ATP6V0A1: variants seen among roughly 807,000 people sequenced by gnomAD.
ATP6V0A1 encodes V-type proton ATPase 116 kDa subunit a 1.
A neutral mutation model predicts 105.4 loss-of-function variants in ATP6V0A1; 43 were observed. The ratio of observed to expected loss-of-function variants is 0.41; its 90% CI spans 0.32 to 0.53. The LOEUF is 0.53. ATP6V0A1 is among the 20% of genes least tolerant of loss of function. The pLI is 0.30. For missense variants in ATP6V0A1, 676 were observed against 1,051.1 expected, an observed-to-expected ratio of 0.64 and a Z score of 4.93; for synonymous variants, 362 against 372.8, an observed-to-expected ratio of 0.97 and a Z score of 0.33.
chr17:42,477,601 A>C (rs1196993670), intron 5 of ATP6V0A1, 59 bp from the exon 6 acceptor site: 1 of 1,581,302 alleles, frequency 6.3e-7, no homozygotes, highest in Non-Finnish European at 8.7e-7. Context: ...CATGCCACTA[A>C]CTATTTTCAT....
chr17:42,461,053 T>C lies in ATP6V0A1; in HGVS notation c.117+42T>C, dbSNP rs769626654. 2.0e-6 allele frequency: 3 copies of C among 1,521,680 alleles called. No individual in the cohort carries two copies. In the Admixed American group the frequency reaches 5.0e-5, roughly 25 times the overall value. 94.3% of individuals were successfully genotyped at this position (1,521,680 alleles called of 1,614,324 possible). A position where few individuals can be genotyped will look rare whatever the true frequency, so the allele number is the denominator to read the frequency against. On this transcript the variant is annotated intron_variant, in intron 2 of 21. Transcript: ENST00000343619. Reference sequence around the variant, plus strand: ...CTGCGACTTGATTACTGCTGAACTCTATTGCTATCGTGGTCAGATGCCTTA... The same window carrying C: ...CTGCGACTTGATTACTGCTGAACTCCATTGCTATCGTGGTCAGATGCCTTA...
intron 5 of ATP6V0A1, 73 bp from the exon 6 acceptor site, chr17:42,477,587 C>T (rs1203231332): frequency 2.0e-6 from 3 of 1,502,242 alleles, no homozygotes; most frequent in South Asian, 1.2e-5. Context: ...TTCCTCGTTG[C>T]CTGCATGCCA....
At chr17:42,512,905 G>A (rs898945347) in intron 19 of ATP6V0A1, among the ~76,000 whole-genome samples, 6 of 152,336 alleles carry the variant, frequency 3.9e-5, no homozygotes, top group African/African-American at 1.2e-4. Context: ...TCTGCGGGGG[G>A]AAGCCCCATA....
In ATP6V0A1 at chr17:42,499,019, C is replaced by T; in HGVS notation, c.1656C>T (p.Val552=). The change falls in exon 15 of 22, where the codon GTC becomes GTT. Residue 552 remains valine, a synonymous_variant. Coordinates refer to ENST00000343619, the MANE Select transcript of ATP6V0A1 (RefSeq NM_001130021.3). ...ILGIIHMLFG[V]SLSLFNHIYF... is the part of the protein sequence containing the mutation. Reference sequence around the variant, plus strand: ...GTATCATCCATATGCTGTTTGGAGTCAGCCTGAGTCTGTTCAACCATATGT... The same window carrying T: ...GTATCATCCATATGCTGTTTGGAGTTAGCCTGAGTCTGTTCAACCATATGT... 1 of 1,609,564 alleles carries T rather than the reference C, an allele frequency of 6.2e-7. No homozygotes were observed. Among genetic ancestry groups the T allele is most frequent in the Non-Finnish European group, 8.5e-7 (1 of 1,176,034 alleles).
intron 17 of ATP6V0A1, among the ~76,000 whole-genome samples, chr17:42,504,273 C>T (rs1244463131): frequency 6.6e-6 from 1 of 152,186 alleles, no homozygotes; most frequent in Non-Finnish European, 1.5e-5. Context: ...TGATATATCA[C>T]AGTTTAATTT....
intron 11 of ATP6V0A1, among the ~76,000 whole-genome samples, 199 bp downstream of exon 11, chr17:42,490,836 A>G (rs545113831): frequency 1.2e-4 from 18 of 152,024 alleles, no homozygotes; most frequent in Non-Finnish European, 1.9e-4. Flanking sequence ...CCACAGGCGC[A>G]CAGCACCACA....
chr17:42,488,630 G>T lies in ATP6V0A1; in HGVS notation c.1023+1263G>T, dbSNP rs929768287. Among the ~76,000 whole-genome samples the T allele has an allele frequency of 3.2e-4, 48 of 152,026 alleles. 3 individuals are homozygous for T. The highest frequency in any genetic ancestry group is 1.5e-5 in the Non-Finnish European group (1 of 67,998). ...GGACTACAGGTGCCCACCATCATGC[G>T]TGGCTAATTTTTTGTAGAGACAGGG... is the stretch of plus-strand genomic sequence containing the variant. On this transcript the variant is annotated intron_variant, in intron 10 of 21. Coordinates refer to ENST00000343619, the MANE Select transcript of ATP6V0A1 (RefSeq NM_001130021.3).
chr17:42,520,991 C>G, intron 21 of ATP6V0A1, 36 bp from the exon 22 acceptor site: 1 of 1,536,772 alleles, frequency 6.5e-7, no homozygotes, highest in Non-Finnish European at 8.9e-7. Flanking sequence ...CACAAAGTTT[C>G]TATTGAATGA....
At chr17:42,495,422 ATTGTGTGT>A (rs1039572345) in intron 13 of ATP6V0A1, among the ~76,000 whole-genome samples, 196 bp from the exon 14 acceptor site, 1 of 148,938 alleles carries the variant, frequency 6.7e-6, no homozygotes, top group Non-Finnish European at 1.5e-5. Flanking sequence ...TCCCTACTTG[ATTGTGTGT>A]TTGTGTGTTT....
intron 5 of ATP6V0A1, among the ~76,000 whole-genome samples, chr17:42,474,796 A>G (rs1316023340): frequency 6.6e-6 from 1 of 152,256 alleles, no homozygotes; most frequent in Non-Finnish European, 1.5e-5. Context: ...TGGCTAAATC[A>G]GAAAATGATT....
intron 10 of ATP6V0A1, among the ~76,000 whole-genome samples, chr17:42,488,416 TG>T (rs1392137620): frequency 1.3e-5 from 2 of 152,174 alleles, no homozygotes; most frequent in African/African-American, 2.4e-5. Context: ...TGAGAGACAT[TG>T]GAAGTTCTTT....
intron 10 of ATP6V0A1, 119 bp downstream of exon 10, chr17:42,487,486 G>A: frequency 2.1e-6 from 2 of 940,128 alleles, no homozygotes; most frequent in Non-Finnish European, 3.3e-6. Context: ...CCAGAACTTT[G>A]GGAGGCCGAG....
intron 10 of ATP6V0A1, among the ~76,000 whole-genome samples, chr17:42,489,554 T>C (rs1401382463): frequency 6.6e-6 from 1 of 152,144 alleles, no homozygotes; most frequent in Non-Finnish European, 1.5e-5. Flanking sequence ...TTGTGAGATG[T>C]TCTGCAGGAA....
intron 8 of ATP6V0A1, among the ~76,000 whole-genome samples, chr17:42,482,768 G>T (rs2089676274): frequency 6.6e-6 from 1 of 151,744 alleles, no homozygotes; most frequent in Admixed American, 6.6e-5. Context: ...GTGGTGGCAG[G>T]CGCCTATAAT....
chr17:42,495,074 T>C lies in ATP6V0A1; in HGVS notation c.1355T>C (p.Leu452Ser), dbSNP rs1056191855. 3 of 1,614,102 alleles carry C rather than the reference T, an allele frequency of 1.9e-6. No individual in the cohort carries two copies. The highest frequency in any genetic ancestry group is 2.5e-6 in the Non-Finnish European group (3 of 1,179,928). Residue 452 changes from leucine to serine, a missense_variant, in exon 13 of 22, where the codon TTG becomes TCG. By Grantham distance (145) the Leu-to-Ser change is moderately radical. Transcript: ENST00000343619. The part of the protein sequence containing the change: ...TVFSGRYIIL[L>S]MGVFSMYTGL... ...TTCAGTGGTCGATACATTATTTTAT[T>C]GATGGGTGTGTTCTCCATGTACACT...
chr17:42,517,334 G>A (rs1290046669), intron 21 of ATP6V0A1, among the ~76,000 whole-genome samples: 8 of 152,038 alleles, frequency 5.3e-5, no homozygotes, highest in Non-Finnish European at 7.4e-5. Context: ...CTAGAGAGAG[G>A]GTGTCTGCCT....
At position 42,492,035 on chromosome 17, in the gene ATP6V0A1, A is replaced by G. The variant is rs79896702; in HGVS notation, c.1174+1398A>G. ...CCCATCTCTATTAAAAAATAAATAA[A>G]CATGTTGACACCTCAGATCTTGTGT... On this transcript the variant is annotated intron_variant, in intron 11 of 21. Transcript: ENST00000343619. 3.3e-5 allele frequency among the ~76,000 whole-genome samples: 5 copies of G among 152,136 alleles called. No homozygotes were observed. The East Asian group carries it at 7.7e-4, about 23-fold the overall frequency.
chr17:42,486,271 C>T (rs1003963703), intron 9 of ATP6V0A1, among the ~76,000 whole-genome samples: 3 of 152,028 alleles, frequency 2.0e-5, no homozygotes, highest in African/African-American at 4.8e-5. Context: ...ATTAGCCGTG[C>T]ATGGTGGCGC....
intron 16 of ATP6V0A1, 53 bp downstream of exon 16, chr17:42,500,976 C>G (rs1029144589): frequency 1.9e-6 from 3 of 1,550,614 alleles, no homozygotes; most frequent in Admixed American, 3.4e-5. Context: ...GATCAGGAAG[C>G]CAGATGTTTC....
Sources: allele counts gnomAD v4.1 joint callset (sites outside exome capture counted in the v4.1 genomes callset), GRCh38; gene constraint gnomAD v4.1.1; transcripts MANE v1.5; gene names NCBI Gene and HGNC (gene_info 2026-07-23, HGNC 2026-07-21).